The following SUPT3H variants were observed in gnomAD, a reference collection of about 807,000 sequenced individuals.
SUPT3H encodes the protein SPT3 homolog, SAGA and STAGA complex component.
A neutral mutation model predicts 44.3 loss-of-function variants in SUPT3H; 44 were observed. The observed-to-expected ratio is 0.99, with a 90% CI of 0.78 to 1.28. The LOEUF (loss-of-function observed/expected upper bound fraction) is 1.28, where lower values mean the gene tolerates loss of function less well. Among genes scored for constraint, SUPT3H ranks in the 50% most tolerant of loss-of-function variants. SUPT3H has a pLI of 0.00. For missense variants in SUPT3H, 380 were observed against 387.1 expected (o/e 0.98, Z 0.15); for synonymous variants, 124 against 125.6 (o/e 0.99, Z 0.09).
At position 44,835,214 on chromosome 6, in the gene SUPT3H, A is replaced by G. The variant is rs141511554; in HGVS notation, c.913-5357T>C. Among the ~76,000 whole-genome samples, 761 of 152,206 alleles carry G rather than the reference A, an allele frequency of 5.0e-3. 28 individuals carry two copies. Among genetic ancestry groups the G allele is most frequent in the East Asian group, 4.6e-3 (24 of 5,172 alleles). On this transcript the variant is annotated intron_variant, in intron 10 of 10. Coordinates refer to ENST00000371459, the MANE Select transcript of SUPT3H (RefSeq NM_003599.4). ...TCTGATTTTGGGTTGAGCAAATAAT[A>G]TGGCCTGCGTGGAGCTGTTTGGAGT...
intron 2 of SUPT3H, among the ~76,000 whole-genome samples, chr6:45,219,729 G>A (rs1477816511): frequency 6.6e-6 from 1 of 152,036 alleles, no homozygotes; most frequent in East Asian, 1.9e-4. Context: ...TGGTTGGGTG[G>A]AGAATTCAAG....
At chr6:44,983,760 T>C (rs956486024) in intron 6 of SUPT3H, among the ~76,000 whole-genome samples, 2 of 152,210 alleles carry the variant, frequency 1.3e-5, no homozygotes, top group Non-Finnish European at 2.9e-5. Flanking sequence ...ACCGTTTTTA[T>C]TGAAATGTTT....
At chr6:44,989,382 A>G (rs1345099873) in intron 6 of SUPT3H, among the ~76,000 whole-genome samples, 1 of 152,116 alleles carries the variant, frequency 6.6e-6, no homozygotes, top group Non-Finnish European at 1.5e-5. Context: ...CAATTTCTTT[A>G]TCCATTCACC....
intron 1 of SUPT3H, among the ~76,000 whole-genome samples, chr6:45,367,642 AAAG>A (rs1369351443): frequency 3.9e-5 from 6 of 152,310 alleles, no homozygotes; most frequent in African/African-American, 1.4e-4. Flanking sequence ...TGTTAAACTC[AAAG>A]AGTAAGTAGT....
intron 2 of SUPT3H, among the ~76,000 whole-genome samples, chr6:45,224,616 A>G (rs1170477362): frequency 6.6e-6 from 1 of 152,154 alleles, no homozygotes; most frequent in Non-Finnish European, 1.5e-5. Flanking sequence ...CGTCTCTACT[A>G]AAAATACAAA....
At chr6:45,247,373 C>T (rs1429858939) in intron 2 of SUPT3H, among the ~76,000 whole-genome samples, 4 of 152,152 alleles carry the variant, frequency 2.6e-5, no homozygotes, top group Admixed American at 1.3e-4. Context: ...CTGTTTTGGG[C>T]ACAAAACCCT....
intron 2 of SUPT3H, among the ~76,000 whole-genome samples, chr6:45,260,560 T>C (rs1774198211): frequency 6.6e-6 from 1 of 152,132 alleles, no homozygotes; most frequent in Non-Finnish European, 1.5e-5. Context: ...AATTAGTCCA[T>C]TTTTATTAGT....
intron 2 of SUPT3H, among the ~76,000 whole-genome samples, chr6:45,144,869 C>T (rs910046530): frequency 1.3e-5 from 2 of 152,096 alleles, no homozygotes; most frequent in African/African-American, 4.8e-5. Flanking sequence ...CACTGCTATA[C>T]ACTAACAACG....
intron 2 of SUPT3H, among the ~76,000 whole-genome samples, chr6:45,163,737 T>C (rs1038811525): frequency 6.6e-6 from 1 of 151,304 alleles, no homozygotes; most frequent in African/African-American, 2.4e-5. Context: ...GCCATACTTT[T>C]CAACTCAAAT....
intron 2 of SUPT3H, among the ~76,000 whole-genome samples, chr6:45,210,942 CA>C (rs1354133396): frequency 1.3e-5 from 2 of 152,064 alleles, no homozygotes; most frequent in Admixed American, 1.3e-4. Flanking sequence ...GAAAAGGGAG[CA>C]AAAAGTAAAG....
At chr6:45,230,682 A>ATTTTTTTTTTT (rs201123504) in intron 2 of SUPT3H, among the ~76,000 whole-genome samples, 1 of 110,850 alleles carries the variant, frequency 9.0e-6, no homozygotes, top group African/African-American at 3.7e-5. Context: ...ATATATATAT[A>ATTTTTTTTTTT]TATATTTTTG....
At chr6:45,245,096 G>A (rs1443514498) in intron 2 of SUPT3H, among the ~76,000 whole-genome samples, 1 of 152,072 alleles carries the variant, frequency 6.6e-6, no homozygotes, top group Non-Finnish European at 1.5e-5. Flanking sequence ...TGATTGGTAA[G>A]ATCATAAATA....
At chr6:45,153,682 C>A (rs894114575) in intron 2 of SUPT3H, among the ~76,000 whole-genome samples, 17 of 152,112 alleles carry the variant, frequency 1.1e-4, no homozygotes, top group Non-Finnish European at 2.9e-5. Context: ...ACCAGCCTGG[C>A]CAACATGGTG....
intron 2 of SUPT3H, among the ~76,000 whole-genome samples, chr6:45,274,185 T>C (rs777438477): frequency 1.3e-5 from 2 of 152,242 alleles, no homozygotes. Context: ...TCTTCACAGA[T>C]ACAAGTAACT....
chr6:45,235,568 T>G (rs753188557), intron 2 of SUPT3H, among the ~76,000 whole-genome samples: 4 of 152,214 alleles, frequency 2.6e-5, no homozygotes, highest in Non-Finnish European at 5.9e-5. Flanking sequence ...TAAATTGATT[T>G]ACTTTACAAA....
At chr6:45,129,743 G>T (rs1797148) in intron 2 of SUPT3H, among the ~76,000 whole-genome samples, 131,729 of 151,572 alleles carry the variant, frequency 0.87, 57,472 homozygotes, top group African/African-American at 0.91. Flanking sequence ...AAGCGAAGAC[G>T]TATACTACTT....
At chr6:45,289,113 G>A (rs891912155) in intron 2 of SUPT3H, among the ~76,000 whole-genome samples, 1 of 151,988 alleles carries the variant, frequency 6.6e-6, no homozygotes, top group Non-Finnish European at 1.5e-5. Context: ...CATATTCCAT[G>A]TTTAACCATC....
At chr6:45,234,588 AC>A (rs1768746921) in intron 2 of SUPT3H, among the ~76,000 whole-genome samples, 4 of 151,992 alleles carry the variant, frequency 2.6e-5, no homozygotes, top group Admixed American at 2.0e-4. Context: ...TACACACATG[AC>A]CTGAAGTTCT....
intron 2 of SUPT3H, among the ~76,000 whole-genome samples, chr6:45,317,152 G>T (rs1254148879): frequency 6.7e-6 from 1 of 149,702 alleles, no homozygotes; most frequent in African/African-American, 2.5e-5. Flanking sequence ...ACTTGAGCCT[G>T]GGAGGTAGAG....
Sources: gnomAD v4.1 joint callset for allele counts (sites outside exome capture counted in the v4.1 genomes callset) on GRCh38, gnomAD v4.1.1 for gene constraint, MANE v1.5 for transcripts, NCBI Gene and HGNC (gene_info 2026-07-23, HGNC 2026-07-21) for gene names.